The following GALNT2 variants were observed in gnomAD, a reference collection of about 807,000 sequenced individuals.
The protein encoded by GALNT2 is polypeptide N-acetylgalactosaminyltransferase 2.
A neutral mutation model predicts 81.4 loss-of-function variants in GALNT2; 31 were observed. That is an observed-to-expected ratio of 0.38 (90% confidence interval 0.29 to 0.51). GALNT2 has a LOEUF of 0.51. Ranked by LOEUF, GALNT2 falls within the 20% of genes least tolerant of loss-of-function variation. The pLI is 0.87. For missense variants in GALNT2, 629 were observed against 765.7 expected (o/e 0.82, Z 2.11); for synonymous variants, 303 against 287.4 (o/e 1.05, Z -0.55).
intron 12 of GALNT2, 100 bp from the exon 13 acceptor site, chr1:230,262,822 C>G: frequency 7.4e-7 from 1 of 1,354,408 alleles, no homozygotes; most frequent in African/African-American, 1.4e-5. Flanking sequence ...ACCACACCAC[C>G]TGCCCCAACC....
chr1:230,132,380 G>A (rs982809379), intron 1 of GALNT2, among the ~76,000 whole-genome samples: 2 of 152,202 alleles, frequency 1.3e-5, no homozygotes, highest in African/African-American at 4.8e-5. Context: ...GGGCTTGGTG[G>A]CCATCTCTCC....
intron 2 of GALNT2, among the ~76,000 whole-genome samples, chr1:230,180,552 C>T (rs1024764525): frequency 5.9e-5 from 9 of 151,986 alleles, no homozygotes; most frequent in Admixed American, 5.9e-4. Context: ...GTGTTAGTCA[C>T]CTTTGTTTTC....
intron 1 of GALNT2, among the ~76,000 whole-genome samples, chr1:230,108,438 A>T (rs986799916): frequency 6.6e-6 from 1 of 152,182 alleles, no homozygotes. Context: ...TCCATAATGC[A>T]CTTCTGATAT....
At chr1:230,108,840 A>G (rs1660616055) in intron 1 of GALNT2, among the ~76,000 whole-genome samples, 1 of 140,086 alleles carries the variant, frequency 7.1e-6, no homozygotes, top group Non-Finnish European at 1.6e-5. Flanking sequence ...GTCAGAGACT[A>G]TCCGACCGCA....
chr1:230,157,561 A>T (rs1469434306), intron 1 of GALNT2, among the ~76,000 whole-genome samples: 1 of 152,232 alleles, frequency 6.6e-6, no homozygotes, highest in African/African-American at 2.4e-5. Context: ...CCAAAACTGG[A>T]AACTACGTAA....
At position 230,280,929 on chromosome 1, in the gene GALNT2, C is replaced by T. The variant is rs571728461; in HGVS notation, c.*1471C>T. 2.0e-5 allele frequency: 3 copies of T among 152,436 alleles called. No individual in the cohort carries two copies. The highest frequency in any genetic ancestry group is 2.1e-4 in the South Asian group (1 of 4,828). The allele number at this position is 152,436 out of a possible 1,614,324, so 9.4% of individuals were successfully genotyped here. ...TACCTGGGTGCTCAGGAATGTTCCT[C>T]GTCACCCCTGCCACTCTGTGGTCGG... is the stretch of plus-strand genomic sequence containing the variant. On this transcript the variant is annotated 3_prime_UTR_variant, in exon 16 of 16. Transcript: ENST00000366672.
At chr1:230,104,988 G>A (rs1049052832) in intron 1 of GALNT2, among the ~76,000 whole-genome samples, 2 of 152,248 alleles carry the variant, frequency 1.3e-5, no homozygotes, top group African/African-American at 4.8e-5. Context: ...TGGAATGTAG[G>A]CAGGAGGGCC....
chr1:230,185,521 A>G (rs1287741111), intron 2 of GALNT2, among the ~76,000 whole-genome samples: 2 of 152,050 alleles, frequency 1.3e-5, no homozygotes, highest in Non-Finnish European at 2.9e-5. Flanking sequence ...TTTGCTTCTC[A>G]GCTTCCCCCT....
At position 230,280,064 on chromosome 1, in the gene GALNT2, G is replaced by A. The variant is rs72647711; in HGVS notation, c.*606G>A. On this transcript the variant is annotated 3_prime_UTR_variant, in exon 16 of 16. Coordinates refer to ENST00000366672, the MANE Select transcript of GALNT2 (RefSeq NM_004481.5). Reference sequence around the variant, plus strand: ...TCTATGGTGGGACACTAAATATAAAGCTATATAGAGAAAGAATGTACGGTC... The same window carrying A: ...TCTATGGTGGGACACTAAATATAAAACTATATAGAGAAAGAATGTACGGTC... 20,162 of 452,608 alleles carry A rather than the reference G, an allele frequency of 0.045. 575 individuals are homozygous for A. The highest frequency in any genetic ancestry group is 0.08 in the Middle Eastern group (243 of 3,034). 28.0% of individuals were successfully genotyped at this position (452,608 alleles called of 1,614,324 possible). A position where few individuals can be genotyped will look rare whatever the true frequency, so the allele number is the denominator to read the frequency against.
At position 230,226,634 on chromosome 1, in the gene GALNT2, G is replaced by A. The variant is rs545500792; in HGVS notation, c.375-9380G>A. On this transcript the variant is annotated intron_variant, in intron 3 of 15. Coordinates refer to ENST00000366672, the MANE Select transcript of GALNT2 (RefSeq NM_004481.5). Reference sequence around the variant, plus strand: ...CTGCTCCATCTTTCCGAACACATGCGGAGGCAGGTGCCTTGACCTGGCTCA... The same window carrying A: ...CTGCTCCATCTTTCCGAACACATGCAGAGGCAGGTGCCTTGACCTGGCTCA... 9.2e-5 allele frequency among the ~76,000 whole-genome samples: 14 copies of A among 152,268 alleles called. 1 individual carries two copies. The East Asian group carries it at 2.5e-3, about 27-fold the overall frequency.
In GALNT2 at chr1:230,243,314, C is replaced by A; in HGVS notation, c.616C>A (p.Arg206Ser). Residue 206 changes from arginine (R) to serine (S), a missense_variant, in exon 7 of 16, where the codon CGC (arginine) becomes AGC (serine). Around this residue, in one of 3 missense-constraint regions of GALNT2, gnomAD observed 360 missense variants for 492.8 expected, o/e 0.73. Transcript: ENST00000366672. The surrounding 1 kb of genome is among the most constrained non-coding windows in gnomAD (Gnocchi z 4.2). Reference sequence around the variant, plus strand: ...CCAACTCGCCTCTGCAGGCCTCATGCGCTCACGGGTTCGGGGGGCCGATGC... The same window carrying A: ...CCAACTCGCCTCTGCAGGCCTCATGAGCTCACGGGTTCGGGGGGCCGATGC... ...LRNDRREGLMRSRVRGADAAQ... is the reference protein window; with the variant it reads ...LRNDRREGLMSSRVRGADAAQ... The A allele has an allele frequency of 6.2e-7, 1 of 1,604,746 alleles. No homozygotes were observed. Among genetic ancestry groups the A allele is most frequent in the Non-Finnish European group, 8.5e-7 (1 of 1,178,416 alleles).
At chr1:230,219,910 G>T (rs1269993034) in intron 3 of GALNT2, among the ~76,000 whole-genome samples, 2 of 152,170 alleles carry the variant, frequency 1.3e-5, no homozygotes, top group African/African-American at 2.4e-5. Context: ...GAGCCTCTGT[G>T]CCTGGGCTTT....
At chr1:230,214,245 T>G (rs933761714) in intron 3 of GALNT2, among the ~76,000 whole-genome samples, 136 of 152,238 alleles carry the variant, frequency 8.9e-4, no homozygotes, top group African/African-American at 3.1e-3. Context: ...CCCAAGTAAC[T>G]GGGATTACAG....
chr1:230,060,066 G>A (rs1285701082), intron 1 of GALNT2, among the ~76,000 whole-genome samples: 4 of 152,126 alleles, frequency 2.6e-5, no homozygotes, highest in East Asian at 1.9e-4. Flanking sequence ...TTCCACTACA[G>A]GGGCTTTATT....
At chr1:230,060,205 A>AT (rs1481742419) in intron 1 of GALNT2, among the ~76,000 whole-genome samples, 2 of 151,958 alleles carry the variant, frequency 1.3e-5, no homozygotes, top group African/African-American at 4.8e-5. Flanking sequence ...AATGTTCCCC[A>AT]TTTTTTTCCT....
intron 8 of GALNT2, among the ~76,000 whole-genome samples, chr1:230,246,407 G>T (rs1665372681): frequency 6.6e-6 from 1 of 152,150 alleles, no homozygotes; most frequent in African/African-American, 2.4e-5. Context: ...GAGCCATGTG[G>T]TTCCATGAAC....
At chr1:230,102,927 G>T (rs1027915947) in intron 1 of GALNT2, among the ~76,000 whole-genome samples, 1 of 152,176 alleles carries the variant, frequency 6.6e-6, no homozygotes, top group African/African-American at 2.4e-5. Context: ...AAGGTAGCAT[G>T]GACGAGAGTG....
At chr1:230,071,217 G>A (rs753143979) in intron 1 of GALNT2, among the ~76,000 whole-genome samples, 49 of 151,844 alleles carry the variant, frequency 3.2e-4, no homozygotes, top group Non-Finnish European at 2.9e-4. Flanking sequence ...TTTTTTATCC[G>A]TTACCCCCAC....
rs1430735432 is a variant in GALNT2 at position 230,257,435 on chromosome 1, TTACTC to T, written c.1136+2095_1136+2099del. ...CCCATAAGATTATAATACCGTGTGT[TTACTC>T]TACCTTTTCTTTGTTTAGATACACA... On this transcript the variant is annotated intron_variant, in intron 11 of 15. Coordinates refer to ENST00000366672, the MANE Select transcript of GALNT2 (RefSeq NM_004481.5). The surrounding 1 kb of genome is among the most constrained non-coding windows in gnomAD (Gnocchi z 4.6). Among the ~76,000 whole-genome samples, 2 of 152,334 alleles carry T rather than the reference TTACTC, an allele frequency of 1.3e-5. No individual in the cohort carries two copies. The highest frequency in any genetic ancestry group is 1.9e-4 in the East Asian group (1 of 5,186).
Sources: gnomAD v4.1 joint callset for allele counts (sites outside exome capture counted in the v4.1 genomes callset) on GRCh38, gnomAD v4.1.1 for gene constraint, gnomAD v4.1.1 regional missense constraint, Gnocchi (gnomAD v3.1) non-coding constraint, MANE v1.5 for transcripts, NCBI Gene and HGNC (gene_info 2026-07-23, HGNC 2026-07-21) for gene names.